Variants in EXOC6B observed in about 807,000 individuals in gnomAD.
The protein encoded by EXOC6B is SEC15 homolog B.
In EXOC6B, 54 loss-of-function variants were observed where a neutral mutation model predicts 113.5. That is an observed-to-expected ratio of 0.48 (90% CI 0.38 to 0.60). The LOEUF (loss-of-function observed/expected upper bound fraction) is 0.60. Among genes scored for constraint, EXOC6B ranks in the 20% least tolerant of loss-of-function variants. The pLI, the probability that EXOC6B is intolerant of heterozygous loss-of-function variation, is 0.00. For missense variants in EXOC6B, 797 were observed against 977.5 expected, an observed-to-expected ratio of 0.82 and a Z score of 2.46; for synonymous variants, 357 against 339.0, an observed-to-expected ratio of 1.05 and a Z score of -0.58.
chr2:72,395,165 G>GA (rs564543081), intron 18 of EXOC6B, among the ~76,000 whole-genome samples: 20 of 152,058 alleles, frequency 1.3e-4, no homozygotes, highest in Non-Finnish European at 2.6e-4. Flanking sequence ...ATTAACTAAA[G>GA]CTTCCAGGAA....
At chr2:72,591,614 T>A (rs1476524209) in intron 6 of EXOC6B, among the ~76,000 whole-genome samples, 1 of 152,174 alleles carries the variant, frequency 6.6e-6, no homozygotes, top group Non-Finnish European at 1.5e-5. Context: ...GGTATAAAAC[T>A]ATACACTCAC....
At position 72,487,550 on chromosome 2, in the gene EXOC6B, G is replaced by A. The variant is rs550344342; in HGVS notation, c.1665+4768C>T. 3.3e-5 allele frequency among the ~76,000 whole-genome samples: 5 copies of A among 152,088 alleles called. No individual in the cohort carries two copies. In the South Asian group the frequency reaches 6.2e-4, roughly 19 times the overall value. ...TAATTTTTATATTTTTAGTAGAGACGGGGTTTCGCCATGTTGGCCAGGATG... is the reference window on the plus strand; with the variant it reads ...TAATTTTTATATTTTTAGTAGAGACAGGGTTTCGCCATGTTGGCCAGGATG... On this transcript the variant is annotated intron_variant, in intron 16 of 21. Transcript: ENST00000272427.
intron 7 of EXOC6B, among the ~76,000 whole-genome samples, chr2:72,559,893 G>A (rs1474210459): frequency 1.3e-5 from 2 of 152,140 alleles, no homozygotes; most frequent in Admixed American, 6.5e-5. Flanking sequence ...TAAAAGACAT[G>A]ATAGTGTACA....
chr2:72,256,468 A>G (rs1470951859), intron 20 of EXOC6B, among the ~76,000 whole-genome samples: 1 of 152,228 alleles, frequency 6.6e-6, no homozygotes, highest in Non-Finnish European at 1.5e-5. Flanking sequence ...GGGTAGAATG[A>G]AAAGTAACTG....
intron 1 of EXOC6B, among the ~76,000 whole-genome samples, chr2:72,794,861 C>T (rs1372728062): frequency 2.0e-5 from 3 of 152,112 alleles, no homozygotes; most frequent in Non-Finnish European, 4.4e-5. Context: ...CCATCTCACC[C>T]CCTTGATTAC....
chr2:72,188,190 T>C (rs1678572421), intron 20 of EXOC6B, among the ~76,000 whole-genome samples: 1 of 152,196 alleles, frequency 6.6e-6, no homozygotes, highest in Non-Finnish European at 1.5e-5. Context: ...CCATGGAGTC[T>C]GCAGCCCCAG....
chr2:72,546,805 T>C (rs543456775), intron 8 of EXOC6B, among the ~76,000 whole-genome samples: 10 of 152,356 alleles, frequency 6.6e-5, no homozygotes, highest in Non-Finnish European at 1.2e-4. Context: ...AATATGCTTT[T>C]AGATTTAGAT....
At chr2:72,337,488 C>T (rs987243905) in intron 19 of EXOC6B, among the ~76,000 whole-genome samples, 3 of 152,190 alleles carry the variant, frequency 2.0e-5, no homozygotes, top group African/African-American at 7.2e-5. Flanking sequence ...ATTCTTGAAT[C>T]TCCTTATTGG....
At chr2:72,742,373 C>G (rs1681379640) in intron 1 of EXOC6B, among the ~76,000 whole-genome samples, 1 of 151,850 alleles carries the variant, frequency 6.6e-6, no homozygotes, top group African/African-American at 2.4e-5. Context: ...ATATGTTGGC[C>G]AGGTTGATCT....
chr2:72,667,846 T>C (rs1429410993), intron 6 of EXOC6B, among the ~76,000 whole-genome samples: 3 of 152,154 alleles, frequency 2.0e-5, no homozygotes, highest in Non-Finnish European at 4.4e-5. Context: ...TCAAAAGCAA[T>C]TGTAACAAAG....
In EXOC6B at chr2:72,559,959, G is replaced by A. The variant is rs534377971; in HGVS notation, c.847-438C>T. Reference sequence around the variant, plus strand: ...AAACTTGCCACACAATATGAATCACGGCCTGCCAGCCAACTTCTGAAGAAC... The same window carrying A: ...AAACTTGCCACACAATATGAATCACAGCCTGCCAGCCAACTTCTGAAGAAC... On this transcript the variant is annotated intron_variant, in intron 7 of 21. Coordinates refer to ENST00000272427, the MANE Select transcript of EXOC6B (RefSeq NM_015189.3). Among the ~76,000 whole-genome samples, 7 of 152,180 alleles carry A rather than the reference G, an allele frequency of 4.6e-5. No individual in the cohort carries two copies. In the South Asian group the frequency reaches 1.2e-3, roughly 27 times the overall value.
At chr2:72,823,781 A>C (rs78675750) in intron 1 of EXOC6B, among the ~76,000 whole-genome samples, 44 of 144,102 alleles carry the variant, frequency 3.1e-4, no homozygotes, top group East Asian at 6.0e-4. Context: ...ACCCTGTCCC[A>C]AAAAAAAAAA....
chr2:72,609,522 TA>T (rs35677129), intron 6 of EXOC6B, among the ~76,000 whole-genome samples: 4,469 of 138,688 alleles, frequency 0.032, 167 homozygotes, highest in Admixed American at 0.099. Flanking sequence ...TAAAAATAAT[TA>T]AAAAAAAAAA....
At chr2:72,786,707 C>T (rs7593084) in intron 1 of EXOC6B, among the ~76,000 whole-genome samples, 41,624 of 151,968 alleles carry the variant, frequency 0.27, 7,398 homozygotes, top group African/African-American at 0.5. Flanking sequence ...ATGGAAAATT[C>T]GCTGACCAGT....
chr2:72,469,317 T>G (rs1388821515), intron 17 of EXOC6B, among the ~76,000 whole-genome samples: 1 of 152,072 alleles, frequency 6.6e-6, no homozygotes, highest in Non-Finnish European at 1.5e-5. Context: ...TAATTTTCAT[T>G]ATTGGTATTA....
At chr2:72,265,050 T>G (rs1330641939) in intron 20 of EXOC6B, among the ~76,000 whole-genome samples, 2 of 151,786 alleles carry the variant, frequency 1.3e-5, no homozygotes, top group Non-Finnish European at 2.9e-5. Flanking sequence ...AAGCAGAGGT[T>G]GGAACGGTTT....
chr2:72,694,474 T>C (rs1186229633), intron 6 of EXOC6B, among the ~76,000 whole-genome samples: 1 of 152,024 alleles, frequency 6.6e-6, no homozygotes, highest in Non-Finnish European at 1.5e-5. Context: ...AAGAGTGAAC[T>C]TCACAGATCT....
chr2:72,648,290 G>T (rs1467641851), intron 6 of EXOC6B, among the ~76,000 whole-genome samples: 1 of 152,234 alleles, frequency 6.6e-6, no homozygotes, highest in Non-Finnish European at 1.5e-5. Context: ...ACAGATGCTA[G>T]AGAGGATGTG....
chr2:72,782,689 C>T (rs1309783645), intron 1 of EXOC6B, among the ~76,000 whole-genome samples: 4 of 152,088 alleles, frequency 2.6e-5, no homozygotes, highest in Admixed American at 1.3e-4. Context: ...CACACACCCA[C>T]CCTCCCACTC....
Sources: gnomAD v4.1 joint callset for allele counts (sites outside exome capture counted in the v4.1 genomes callset) on GRCh38, gnomAD v4.1.1 for gene constraint, MANE v1.5 for transcripts, NCBI Gene and HGNC (gene_info 2026-07-23, HGNC 2026-07-21) for gene names.